The following NUMB variants were observed in gnomAD, a reference collection of about 807,000 sequenced individuals.
The protein encoded by NUMB is protein numb homolog.
NUMB carries 29 observed loss-of-function variants against 59.7 expected under a neutral mutation model. That is an observed-to-expected ratio of 0.49 (90% CI 0.36 to 0.66). The LOEUF (loss-of-function observed/expected upper bound fraction) is 0.66, where lower values mean the gene tolerates loss of function less well. Among genes scored for constraint, NUMB ranks in the 30% least tolerant of loss-of-function variants. The pLI is 0.00. For missense variants in NUMB, 723 were observed against 822.0 expected, an observed-to-expected ratio of 0.88 and a Z score of 1.47; for synonymous variants, 288 against 288.2, an observed-to-expected ratio of 1.00 and a Z score of 0.01.
At chr14:73,328,290 T>G in intron 4 of NUMB, among the ~76,000 whole-genome samples, 1 of 139,260 alleles carries the variant, frequency 7.2e-6, no homozygotes, top group African/African-American at 2.6e-5. Context: ...AAAAAAAAAG[T>G]CATATAAATG....
At chr14:73,383,931 C>A (rs1895372784) in intron 2 of NUMB, among the ~76,000 whole-genome samples, 1 of 151,788 alleles carries the variant, frequency 6.6e-6, no homozygotes, top group African/African-American at 2.4e-5. Context: ...GCAGAGGAAC[C>A]GCTTGAACTC....
At chr14:73,413,049 C>T (rs1385524339) in intron 1 of NUMB, among the ~76,000 whole-genome samples, 1 of 151,768 alleles carries the variant, frequency 6.6e-6, no homozygotes. Flanking sequence ...ACTCCAGAGC[C>T]TATTTTTTAT....
chr14:73,327,711 CTCA>C (rs1762956236), intron 4 of NUMB, among the ~76,000 whole-genome samples: 1 of 152,096 alleles, frequency 6.6e-6, no homozygotes, highest in Non-Finnish European at 1.5e-5. Flanking sequence ...ATGACTCTAG[CTCA>C]TATACATGGT....
intron 2 of NUMB, among the ~76,000 whole-genome samples, chr14:73,394,183 G>A (rs563790079): frequency 2.0e-5 from 3 of 152,214 alleles, no homozygotes; most frequent in East Asian, 3.9e-4. Context: ...TCGAACTCGT[G>A]ACCTCAGGTG....
intron 3 of NUMB, among the ~76,000 whole-genome samples, chr14:73,359,140 T>C (rs958071560): frequency 6.6e-5 from 10 of 152,232 alleles, no homozygotes; most frequent in Non-Finnish European, 1.5e-5. Flanking sequence ...ACTTTCTTTT[T>C]TAAAAAATGA....
chr14:73,419,674 G>C (rs930933854), intron 1 of NUMB, among the ~76,000 whole-genome samples: 2 of 152,114 alleles, frequency 1.3e-5, no homozygotes, highest in Non-Finnish European at 2.9e-5. Flanking sequence ...AGCTAAGTCT[G>C]ACATCAAAGT....
intron 1 of NUMB, among the ~76,000 whole-genome samples, chr14:73,434,687 G>T (rs529984817): frequency 6.6e-6 from 1 of 151,714 alleles, no homozygotes; most frequent in Non-Finnish European, 1.5e-5. Flanking sequence ...ACAACATAGC[G>T]AGACTTCATC....
At chr14:73,352,041 T>C (rs944380814) in intron 4 of NUMB, among the ~76,000 whole-genome samples, 2 of 151,712 alleles carry the variant, frequency 1.3e-5, no homozygotes, top group African/African-American at 4.8e-5. Flanking sequence ...TAATTTTATG[T>C]TATATGTACT....
At chr14:73,450,775 C>G (rs113478339) in intron 1 of NUMB, among the ~76,000 whole-genome samples, 14 of 150,608 alleles carry the variant, frequency 9.3e-5, no homozygotes, top group Non-Finnish European at 4.4e-5. Flanking sequence ...GAAGACAGAG[C>G]GAGACCCCAT....
intron 2 of NUMB, among the ~76,000 whole-genome samples, chr14:73,399,277 G>C (rs1896293735): frequency 6.6e-6 from 1 of 152,138 alleles, no homozygotes; most frequent in African/African-American, 2.4e-5. Context: ...CTGAAAATAT[G>C]CCAGAGCCGG....
chr14:73,367,296 T>TATATATATATACACAC (rs1406816784), intron 2 of NUMB, among the ~76,000 whole-genome samples: 38 of 121,006 alleles, frequency 3.1e-4, no homozygotes, highest in African/African-American at 1.4e-3. Flanking sequence ...TATATATATA[T>TATATATATATACACAC]ACACACACAC....
At chr14:73,433,378 C>T (rs1049524152) in intron 1 of NUMB, among the ~76,000 whole-genome samples, 2 of 152,090 alleles carry the variant, frequency 1.3e-5, no homozygotes, top group Non-Finnish European at 2.9e-5. Flanking sequence ...GCCAAGATCA[C>T]GCCACTGAAC....
chr14:73,276,289 G>A lies in NUMB; in HGVS notation c.*289C>T, dbSNP rs1346556342. On this transcript the variant is annotated 3_prime_UTR_variant, in exon 13 of 13. Coordinates refer to ENST00000555238, the MANE Select transcript of NUMB (RefSeq NM_001005743.2). Reference sequence around the variant, plus strand: ...ATATAGATTCTTGTTCAGATACTTTGCCTCTCTGTTGCCAGAGATTTGTAA... The same window carrying A: ...ATATAGATTCTTGTTCAGATACTTTACCTCTCTGTTGCCAGAGATTTGTAA... The A allele has an allele frequency of 1.8e-5, 6 of 333,760 alleles. No homozygotes were observed. Among genetic ancestry groups the A allele is most frequent in the Middle Eastern group, 8.4e-4 (1 of 1,188 alleles). The allele number at this position is 333,760 out of a possible 1,614,324, so 20.7% of individuals were successfully genotyped here. A position where few individuals can be genotyped will look rare whatever the true frequency, so the allele number is the denominator to read the frequency against.
chr14:73,438,305 T>A (rs894082037), intron 1 of NUMB, among the ~76,000 whole-genome samples: 2 of 152,188 alleles, frequency 1.3e-5, no homozygotes, highest in Non-Finnish European at 2.9e-5. Flanking sequence ...ATAAATAATA[T>A]ATCCATTAGT....
chr14:73,282,319 G>A (rs573890748), intron 11 of NUMB, 40 bp downstream of exon 11: 1 of 1,607,408 alleles, frequency 6.2e-7, no homozygotes, highest in South Asian at 1.1e-5. Flanking sequence ...AAAAGTACTG[G>A]TTGTAAAGAG....
At chr14:73,293,575 G>A (rs1424987073) in intron 7 of NUMB, among the ~76,000 whole-genome samples, 1 of 151,988 alleles carries the variant, frequency 6.6e-6, no homozygotes, top group African/African-American at 2.4e-5. Context: ...TGTATTTTTA[G>A]TAGAGACAGG....
chr14:73,363,329 T>C (rs1029600826), intron 3 of NUMB, among the ~76,000 whole-genome samples: 28 of 149,760 alleles, frequency 1.9e-4, no homozygotes, highest in Non-Finnish European at 3.9e-4. Flanking sequence ...TCAGACAAAA[T>C]GGTTCAATTC....
intron 1 of NUMB, among the ~76,000 whole-genome samples, chr14:73,446,490 C>A (rs1883516502): frequency 6.6e-6 from 1 of 151,760 alleles, no homozygotes. Context: ...CCTGTAATCC[C>A]AGCTACTCAG....
intron 2 of NUMB, among the ~76,000 whole-genome samples, chr14:73,386,867 A>T (rs373204062): frequency 0.041 from 3,279 of 79,532 alleles, 180 homozygotes; most frequent in African/African-American, 0.13. Flanking sequence ...CAGGTGTCTT[A>T]TTTTTTTTTT....
Sources: gnomAD v4.1 joint callset for allele counts (sites outside exome capture counted in the v4.1 genomes callset) on GRCh38, gnomAD v4.1.1 for gene constraint, MANE v1.5 for transcripts, NCBI Gene and HGNC (gene_info 2026-07-23, HGNC 2026-07-21) for gene names.